The following LYN variants were observed in gnomAD, a reference collection of about 807,000 sequenced individuals.
LYN encodes tyrosine-protein kinase Lyn.
Under a neutral mutation model 65.0 loss-of-function variants are expected in LYN, and 12 were observed. The observed-to-expected ratio is 0.18, with a 90% CI of 0.12 to 0.30. LYN has a LOEUF of 0.30. LYN is among the 10% of genes least tolerant of loss of function. The pLI is 1.00. For synonymous variants in LYN, 222 were observed against 221.2 expected, an observed-to-expected ratio of 1.00 and a Z score of -0.03; for missense variants, 380 against 623.2, an observed-to-expected ratio of 0.61 and a Z score of 4.16.
At chr8:55,887,603 C>CACACACACACACAT (rs775901867) in intron 1 of LYN, among the ~76,000 whole-genome samples, 7 of 111,980 alleles carry the variant, frequency 6.3e-5, no homozygotes, top group African/African-American at 2.3e-4. Context: ...CACACACACA[C>CACACACACACACAT]ATATATATAT....
intron 1 of LYN, among the ~76,000 whole-genome samples, chr8:55,916,206 TTTGA>T (rs1805776681): frequency 6.6e-6 from 1 of 152,174 alleles, no homozygotes. Flanking sequence ...AATGGTGGTA[TTTGA>T]TTGGTTTTAA....
chr8:55,975,888 A>G (rs1316998538), intron 10 of LYN, among the ~76,000 whole-genome samples: 1 of 152,162 alleles, frequency 6.6e-6, no homozygotes, highest in Non-Finnish European at 1.5e-5. Context: ...ATAGCAAATA[A>G]GGCAGAATTT....
In LYN at chr8:55,954,317, C is replaced by A. The variant is rs1807040828; in HGVS notation, c.790+333C>A. On this transcript the variant is annotated intron_variant, in intron 8 of 12. Coordinates refer to ENST00000519728, the MANE Select transcript of LYN (RefSeq NM_002350.4). ...TCAAGTGCAAGAAATTTGCTTCCAT[C>A]TCTGGGAAAGGTTATCTTAGGGCTG... 2.0e-5 allele frequency among the ~76,000 whole-genome samples: 3 copies of A among 152,302 alleles called. No individual in the cohort carries two copies. The South Asian group carries it at 6.2e-4, about 32-fold the overall frequency.
At chr8:55,889,830 G>T (rs1035672493) in intron 1 of LYN, among the ~76,000 whole-genome samples, 6 of 152,118 alleles carry the variant, frequency 3.9e-5, no homozygotes, top group African/African-American at 1.4e-4. Context: ...CTAACTGTGG[G>T]CTGCTGCTGG....
intron 10 of LYN, among the ~76,000 whole-genome samples, chr8:55,998,063 G>T (rs1191717662): frequency 3.3e-5 from 5 of 151,856 alleles, no homozygotes; most frequent in Non-Finnish European, 7.4e-5. Flanking sequence ...CGGCCTGGGT[G>T]AAAGAGCGAG....
intron 10 of LYN, among the ~76,000 whole-genome samples, chr8:55,976,680 G>C (rs975873269): frequency 6.6e-5 from 10 of 152,196 alleles, no homozygotes; most frequent in African/African-American, 2.4e-4. Context: ...AGCGTAGTAG[G>C]GTGGGCTAGC....
At chr8:55,972,909 A>G (rs1807648988) in intron 10 of LYN, among the ~76,000 whole-genome samples, 1 of 152,208 alleles carries the variant, frequency 6.6e-6, no homozygotes, top group South Asian at 2.1e-4. Flanking sequence ...GCTGTGCGAT[A>G]ATGATGCGAC....
At chr8:55,965,271 T>C (rs770433759) in intron 8 of LYN, among the ~76,000 whole-genome samples, 1 of 152,082 alleles carries the variant, frequency 6.6e-6, no homozygotes, top group Non-Finnish European at 1.5e-5. Flanking sequence ...CTTGAACAAG[T>C]GTTCTGAGGT....
intron 1 of LYN, among the ~76,000 whole-genome samples, chr8:55,880,699 C>A (rs911869229): frequency 6.6e-6 from 1 of 152,218 alleles, no homozygotes; most frequent in Non-Finnish European, 1.5e-5. Context: ...TGGAACTCAC[C>A]CTCCCGCTGC....
intron 1 of LYN, among the ~76,000 whole-genome samples, chr8:55,898,893 C>T (rs550088259): frequency 5.9e-5 from 9 of 152,248 alleles, no homozygotes; most frequent in East Asian, 5.8e-4. Context: ...GGCACAATCA[C>T]GATCACTGTA....
At chr8:55,883,727 C>T (rs561909509) in intron 1 of LYN, among the ~76,000 whole-genome samples, 5 of 152,284 alleles carry the variant, frequency 3.3e-5, no homozygotes, top group African/African-American at 9.6e-5. Context: ...ATAGGACGCA[C>T]ATTAAAACAC....
chr8:55,885,435 A>T (rs1338633631), intron 1 of LYN, among the ~76,000 whole-genome samples: 3 of 152,080 alleles, frequency 2.0e-5, no homozygotes, highest in African/African-American at 7.2e-5. Flanking sequence ...CTCTTTATTG[A>T]CACCAGACCA....
At position 56,012,855 on chromosome 8, in the gene LYN, G is replaced by T. The variant is rs1808855278; in HGVS notation, c.*2745G>T. The T allele has an allele frequency of 6.6e-6, 1 of 152,200 alleles. No homozygotes were observed. Among genetic ancestry groups the T allele is most frequent in the East Asian group, 1.9e-4 (1 of 5,192 alleles). 9.4% of individuals were successfully genotyped at this position (152,200 alleles called of 1,614,324 possible). ...CCTCAGATGGTTTCATTTCTCAAAGGGGAGTGGAAGAGAAGGAAGGAGGAA... is the reference window on the plus strand; with the variant it reads ...CCTCAGATGGTTTCATTTCTCAAAGTGGAGTGGAAGAGAAGGAAGGAGGAA... On this transcript the variant is annotated 3_prime_UTR_variant, in exon 13 of 13. Coordinates refer to ENST00000519728, the MANE Select transcript of LYN (RefSeq NM_002350.4).
At chr8:55,884,466 C>G (rs762505785) in intron 1 of LYN, among the ~76,000 whole-genome samples, 1 of 151,474 alleles carries the variant, frequency 6.6e-6, no homozygotes, top group Non-Finnish European at 1.5e-5. Flanking sequence ...TATTCTGCCT[C>G]CCACTGAAGA....
chr8:55,984,698 A>G (rs1808025703), intron 10 of LYN, among the ~76,000 whole-genome samples: 1 of 152,234 alleles, frequency 6.6e-6, no homozygotes, highest in Non-Finnish European at 1.5e-5. Context: ...CAGTGGTCAC[A>G]CAGCAGTCAG....
intron 2 of LYN, among the ~76,000 whole-genome samples, chr8:55,945,833 G>A (rs1484082775): frequency 6.6e-6 from 1 of 152,168 alleles, no homozygotes; most frequent in Non-Finnish European, 1.5e-5. Flanking sequence ...AGCCTCCAGG[G>A]ACAGAGCCCT....
intron 1 of LYN, among the ~76,000 whole-genome samples, chr8:55,883,839 A>C (rs146454168): frequency 1.2e-4 from 19 of 152,192 alleles, no homozygotes; most frequent in African/African-American, 3.4e-4. Flanking sequence ...GAAGAGAAGA[A>C]CATGGAAGAG....
chr8:55,995,484 GCCT>G (rs1163696951), intron 10 of LYN, among the ~76,000 whole-genome samples: 1 of 152,194 alleles, frequency 6.6e-6, no homozygotes, highest in Non-Finnish European at 1.5e-5. Context: ...ATGAAATGAA[GCCT>G]CCTGCTGTGC....
chr8:55,934,011 A>G (rs1415195724), intron 1 of LYN, among the ~76,000 whole-genome samples: 1 of 152,174 alleles, frequency 6.6e-6, no homozygotes, highest in Non-Finnish European at 1.5e-5. Context: ...GCGGATCACA[A>G]GGTCAGGAGT....
Sources: gnomAD v4.1 joint callset for allele counts (sites outside exome capture counted in the v4.1 genomes callset) on GRCh38, gnomAD v4.1.1 for gene constraint, MANE v1.5 for transcripts, NCBI Gene and HGNC (gene_info 2026-07-23, HGNC 2026-07-21) for gene names.